CBR4: variants seen among roughly 807,000 people sequenced by gnomAD.
The protein encoded by CBR4 is 3-oxoacyl-[acyl-carrier-protein] reductase.
In CBR4, 22 loss-of-function variants were observed where a neutral mutation model predicts 21.0. That is an observed-to-expected ratio of 1.05 (90% confidence interval 0.75 to 1.50). The LOEUF is 1.50. Among genes scored for constraint, CBR4 ranks in the 40% most tolerant of loss-of-function variants. CBR4 has a pLI of 0.00. For missense variants in CBR4, 302 were observed against 286.3 expected (o/e 1.05, Z -0.40); for synonymous variants, 100 against 104.4 (o/e 0.96, Z 0.26).
chr4:168,937,117 CA>C (rs920138412), intron 2 of CBR4, among the ~76,000 whole-genome samples: 3 of 152,146 alleles, frequency 2.0e-5, no homozygotes, highest in African/African-American at 7.2e-5. Context: ...GATCTCTCTG[CA>C]GAAACCCTAC....
intron 2 of CBR4, among the ~76,000 whole-genome samples, chr4:168,973,350 C>T (rs1368829059): frequency 6.6e-6 from 1 of 152,212 alleles, no homozygotes; most frequent in East Asian, 1.9e-4. Flanking sequence ...AGGATTGGTA[C>T]CAATTCTTTT....
chr4:168,984,362 T>C (rs1033481785), downstream of CBR4, among the ~76,000 whole-genome samples: 4 of 152,046 alleles, frequency 2.6e-5, no homozygotes, highest in Admixed American at 2.6e-4. Flanking sequence ...GTAAAGCAAT[T>C]CTACAATGAG....
At chr4:168,907,539 GC>G (rs1758058750) in intron 2 of CBR4, among the ~76,000 whole-genome samples, 4 of 152,184 alleles carry the variant, frequency 2.6e-5, no homozygotes, top group Admixed American at 2.0e-4. Flanking sequence ...CACACCCATA[GC>G]ACAGCTGACA....
chr4:168,898,347 A>C (rs1237309897), intron 2 of CBR4: 2 of 679,548 alleles, frequency 2.9e-6, no homozygotes, highest in Non-Finnish European at 5.4e-6. Context: ...TTTGTTTCAT[A>C]TGCAATTGAA....
chr4:168,925,409 T>C, intron 2 of CBR4: 1 of 750,956 alleles, frequency 1.3e-6, no homozygotes, highest in East Asian at 2.5e-5. Flanking sequence ...AACCATGTTT[T>C]TCACATGTTC....
At chr4:168,913,551 A>C (rs1441270746) in intron 2 of CBR4, among the ~76,000 whole-genome samples, 3 of 152,250 alleles carry the variant, frequency 2.0e-5, no homozygotes, top group East Asian at 1.9e-4. Context: ...TGACCATGAA[A>C]ATGGAATCTT....
At chr4:168,999,315 T>C (rs1730212353) in intron 4 of CBR4, among the ~76,000 whole-genome samples, 1 of 152,156 alleles carries the variant, frequency 6.6e-6, no homozygotes, top group African/African-American at 2.4e-5. Flanking sequence ...AACTGTGATG[T>C]TTGTTAGCTG....
chr4:168,939,565 CTCT>C (rs996703680), intron 2 of CBR4, among the ~76,000 whole-genome samples: 1 of 152,170 alleles, frequency 6.6e-6, no homozygotes, highest in Non-Finnish European at 1.5e-5. Flanking sequence ...TCAGTCCAAA[CTCT>C]TCTTAAGCTG....
chr4:168,997,575 C>T (rs1292771942), intron 4 of CBR4, among the ~76,000 whole-genome samples: 1 of 152,132 alleles, frequency 6.6e-6, no homozygotes, highest in Non-Finnish European at 1.5e-5. Context: ...ACCTAGGCAA[C>T]AGAATGAAAC....
At position 168,914,084 on chromosome 4, in the gene CBR4, C is replaced by T. The variant is rs1426971066; in HGVS notation, n.170-19319G>A. ...TTTATTTATTACTATAAATGTAGTACTATTAGAATCATCATATGACCACAA... is the reference window on the plus strand; with the variant it reads ...TTTATTTATTACTATAAATGTAGTATTATTAGAATCATCATATGACCACAA... On this transcript the variant is annotated intron_variant and non_coding_transcript_variant, in intron 2 of 3. Coordinates refer to the CBR4 transcript ENST00000509108. 1.4e-5 allele frequency: 14 copies of T among 983,982 alleles called. No homozygotes were observed. In the East Asian group the frequency reaches 3.1e-4, roughly 22 times the overall value. The allele number at this position is 983,982 out of a possible 1,614,324, so 61.0% of individuals were successfully genotyped here. A position where few individuals can be genotyped will look rare whatever the true frequency, so the allele number is the denominator to read the frequency against.
At chr4:168,964,527 C>A (rs895969905) in intron 2 of CBR4, among the ~76,000 whole-genome samples, 2 of 152,152 alleles carry the variant, frequency 1.3e-5, no homozygotes, top group Non-Finnish European at 2.9e-5. Flanking sequence ...GAATAGTATG[C>A]AATACTCTTC....
chr4:168,917,734 T>C (rs997464451), intron 2 of CBR4, among the ~76,000 whole-genome samples: 8 of 152,188 alleles, frequency 5.3e-5, no homozygotes, highest in African/African-American at 1.7e-4. Flanking sequence ...AATATTTTAT[T>C]TCTTAGGATC....
At chr4:168,983,574 T>C (rs1224726307), downstream of CBR4, among the ~76,000 whole-genome samples, 4 of 152,122 alleles carry the variant, frequency 2.6e-5, 1 homozygote, top group South Asian at 6.2e-4. Context: ...AACATCATTC[T>C]GACACCAAAA....
downstream of CBR4, among the ~76,000 whole-genome samples, chr4:168,986,329 A>C (rs1476145734): frequency 6.6e-6 from 1 of 152,182 alleles, no homozygotes; most frequent in Non-Finnish European, 1.5e-5. Flanking sequence ...CTGAGGGCCA[A>C]CTGTACTCTA....
chr4:168,904,367 A>G (rs1757177168), intron 2 of CBR4: 1 of 164,408 alleles, frequency 6.1e-6, no homozygotes, highest in African/African-American at 2.4e-5. Context: ...GTGCAAATGT[A>G]GACAAATGAT....
chr4:168,981,497 TAGC>T (rs1413856959), intron 2 of CBR4, among the ~76,000 whole-genome samples: 1 of 152,170 alleles, frequency 6.6e-6, no homozygotes, highest in African/African-American at 2.4e-5. Flanking sequence ...GAAGTATTAA[TAGC>T]AGAACAGATC....
chr4:169,003,870 TCA>T (rs1434118158), intron 3 of CBR4, among the ~76,000 whole-genome samples: 3 of 152,076 alleles, frequency 2.0e-5, no homozygotes, highest in Non-Finnish European at 4.4e-5. Flanking sequence ...CCGCATGTTC[TCA>T]CTCATAGGTG....
intron 2 of CBR4, chr4:168,903,613 A>G: frequency 1.5e-6 from 1 of 665,920 alleles, no homozygotes; most frequent in South Asian, 1.8e-5. Context: ...GTGAAAAATC[A>G]ATTCCTTAGT....
At chr4:168,994,586 CT>C (rs1765092234) in intron 4 of CBR4, among the ~76,000 whole-genome samples, 1 of 151,786 alleles carries the variant, frequency 6.6e-6, no homozygotes, top group Non-Finnish European at 1.5e-5. Flanking sequence ...TTCTTTTTTG[CT>C]TTTTTTCTTT....
Sources: allele counts gnomAD v4.1 joint callset (sites outside exome capture counted in the v4.1 genomes callset), GRCh38; gene constraint gnomAD v4.1.1; transcripts MANE v1.5; gene names NCBI Gene and HGNC (gene_info 2026-07-23, HGNC 2026-07-21).